The following GPM6A variants were observed in gnomAD, a reference collection of about 807,000 sequenced individuals.
GPM6A encodes glycoprotein M6A, also known as neuronal membrane glycoprotein M6-a.
GPM6A carries 7 observed loss-of-function variants against 32.1 expected under a neutral mutation model. The observed-to-expected ratio is 0.22, with a 90% CI of 0.12 to 0.41. The LOEUF (loss-of-function observed/expected upper bound fraction) is 0.41. Among genes scored for constraint, GPM6A ranks in the 10% least tolerant of loss-of-function variants. GPM6A has a pLI of 1.00. For missense variants in GPM6A, 235 were observed against 347.2 expected, an observed-to-expected ratio of 0.68 and a Z score of 2.57; for synonymous variants, 130 against 123.4, an observed-to-expected ratio of 1.05 and a Z score of -0.35.
chr4:175,918,542 T>C (rs936673117), intron 1 of GPM6A, among the ~76,000 whole-genome samples: 3 of 151,888 alleles, frequency 2.0e-5, no homozygotes, highest in Non-Finnish European at 4.4e-5. Flanking sequence ...TTCTGGAAAA[T>C]ATCTTAAATT....
intron 1 of GPM6A, among the ~76,000 whole-genome samples, chr4:175,710,009 C>A (rs982469722): frequency 3.0e-4 from 45 of 151,996 alleles, no homozygotes; most frequent in African/African-American, 1.1e-3. Flanking sequence ...CACTTGCCTC[C>A]CCTTCAAACA....
chr4:175,812,062 A>C (rs1734940491), intron 1 of GPM6A, 129 bp downstream of exon 1: 2 of 679,266 alleles, frequency 2.9e-6, no homozygotes, highest in East Asian at 5.5e-5. Flanking sequence ...GAACAGACTA[A>C]AGGAGAGGAA....
chr4:175,746,658 C>T (rs1022577610), intron 1 of GPM6A, among the ~76,000 whole-genome samples: 7 of 151,980 alleles, frequency 4.6e-5, no homozygotes, highest in Admixed American at 3.3e-4. Flanking sequence ...TGTCCAAGGA[C>T]TTTGATTTTG....
chr4:175,896,075 A>G (rs930836519), intron 1 of GPM6A, among the ~76,000 whole-genome samples: 8 of 152,226 alleles, frequency 5.3e-5, no homozygotes, highest in African/African-American at 1.9e-4. Context: ...ACCACATATT[A>G]TTACTTTTGC....
intron 3 of GPM6A, among the ~76,000 whole-genome samples, chr4:175,655,937 G>T (rs947933715): frequency 3.3e-5 from 5 of 152,086 alleles, no homozygotes; most frequent in Non-Finnish European, 7.4e-5. Flanking sequence ...TAATAAAAAT[G>T]TATTACTTTG....
chr4:175,662,100 G>A (rs182039397), intron 3 of GPM6A, among the ~76,000 whole-genome samples: 10 of 151,862 alleles, frequency 6.6e-5, no homozygotes, highest in Admixed American at 1.3e-4. Context: ...ACAATGACAG[G>A]CATATTTAAT....
rs547446148 is a variant in GPM6A, at chr4:175,769,130, A to C, written c.37+43061T>G. On this transcript the variant is annotated intron_variant, in intron 1 of 6. Coordinates refer to ENST00000393658, the MANE Select transcript of GPM6A (RefSeq NM_201591.3). ...AATAAATAGGTACTATCTGAAACTT[A>C]GTTTTTAGGAATATCTATTTTCACC... is the stretch of plus-strand genomic sequence containing the variant. Among the ~76,000 whole-genome samples, 161 of 152,236 alleles carry C rather than the reference A, an allele frequency of 1.1e-3. 1 individual carries two copies. The highest frequency in any genetic ancestry group is 4.0e-4 in the Non-Finnish European group (27 of 68,006).
intron 1 of GPM6A, among the ~76,000 whole-genome samples, chr4:175,880,814 A>T (rs1013374022): frequency 2.0e-5 from 3 of 152,178 alleles, no homozygotes; most frequent in African/African-American, 7.2e-5. Flanking sequence ...CTAGATATAC[A>T]ATCATGTCTT....
At chr4:175,861,084 T>C (rs983006420) in intron 1 of GPM6A, among the ~76,000 whole-genome samples, 2 of 152,124 alleles carry the variant, frequency 1.3e-5, no homozygotes, top group African/African-American at 4.8e-5. Flanking sequence ...TTCCAAAAGT[T>C]GCTAATAACA....
At chr4:175,967,526 C>A (rs1411676925) in intron 1 of GPM6A, among the ~76,000 whole-genome samples, 1 of 152,052 alleles carries the variant, frequency 6.6e-6, no homozygotes, top group Non-Finnish European at 1.5e-5. Flanking sequence ...CATGGGAAAT[C>A]TCAAAGAATC....
chr4:175,741,556 G>A (rs1363040115), intron 1 of GPM6A, among the ~76,000 whole-genome samples: 2 of 152,036 alleles, frequency 1.3e-5, no homozygotes, highest in Non-Finnish European at 2.9e-5. Context: ...AGGATCTTCT[G>A]GAATATCAAA....
At chr4:175,684,928 G>T (rs918804145) in intron 2 of GPM6A, among the ~76,000 whole-genome samples, 1 of 151,700 alleles carries the variant, frequency 6.6e-6, no homozygotes, top group East Asian at 1.9e-4. Flanking sequence ...TCGCTCTGTC[G>T]CCCAGGCTGG....
At chr4:175,777,901 T>C (rs993930950) in intron 1 of GPM6A, among the ~76,000 whole-genome samples, 6 of 152,330 alleles carry the variant, frequency 3.9e-5, no homozygotes, top group African/African-American at 1.2e-4. Context: ...TTGATAACAT[T>C]TACATATCAA....
At chr4:175,730,756 G>A (rs1731392401) in intron 1 of GPM6A, among the ~76,000 whole-genome samples, 1 of 152,128 alleles carries the variant, frequency 6.6e-6, no homozygotes, top group Non-Finnish European at 1.5e-5. Flanking sequence ...TTCCAGGTGT[G>A]AGCCACCGCT....
At chr4:175,793,931 T>G (rs944119425) in intron 1 of GPM6A, among the ~76,000 whole-genome samples, 3 of 152,264 alleles carry the variant, frequency 2.0e-5, no homozygotes, top group African/African-American at 7.2e-5. Flanking sequence ...CTAATTAGTC[T>G]TTTGACTTTT....
intron 1 of GPM6A, among the ~76,000 whole-genome samples, chr4:175,779,986 C>T (rs985040057): frequency 1.3e-4 from 19 of 149,688 alleles, no homozygotes; most frequent in Non-Finnish European, 2.8e-4. Flanking sequence ...TAGCAGTATG[C>T]TCAGTGAAAA....
chr4:175,767,675 A>G (rs1733027567), intron 1 of GPM6A, among the ~76,000 whole-genome samples: 1 of 152,238 alleles, frequency 6.6e-6, no homozygotes, highest in South Asian at 2.1e-4. Context: ...TTGGGCAGTA[A>G]TGCATTTTAG....
At chr4:175,671,115 G>A (rs933873318) in intron 3 of GPM6A, among the ~76,000 whole-genome samples, 8 of 151,342 alleles carry the variant, frequency 5.3e-5, no homozygotes, top group Admixed American at 1.3e-4. Context: ...CGCCTGCCTC[G>A]GCCTCCCAAA....
upstream of GPM6A, among the ~76,000 whole-genome samples, chr4:175,813,979 T>C (rs1002830663): frequency 7.3e-5 from 11 of 149,850 alleles, no homozygotes; most frequent in Non-Finnish European, 1.2e-4. Context: ...AGTGCACAGA[T>C]TGAGAGAGAG....
Sources: allele counts gnomAD v4.1 joint callset (sites outside exome capture counted in the v4.1 genomes callset), GRCh38; gene constraint gnomAD v4.1.1; transcripts MANE v1.5; gene names NCBI Gene and HGNC (gene_info 2026-07-23, HGNC 2026-07-21).